The following RASA1 variants were observed in gnomAD, a reference collection of about 807,000 sequenced individuals.
RASA1 encodes the protein ras GTPase-activating protein 1.
In RASA1, 25 loss-of-function variants were observed where a neutral mutation model predicts 132.2. The observed-to-expected ratio is 0.19, with a 90% CI of 0.14 to 0.26. The LOEUF (loss-of-function observed/expected upper bound fraction) is 0.26. Among genes scored for constraint, RASA1 ranks in the 10% least tolerant of loss-of-function variants. The probability of loss-of-function intolerance (pLI) is 1.00; values close to 1 mark genes in which losing one functional copy is unlikely to be tolerated. For synonymous variants in RASA1, 477 were observed against 449.9 expected (o/e 1.06, Z -0.76); for missense variants, 964 against 1,299.2 (o/e 0.74, Z 3.97).
intron 8 of RASA1, 83 bp from the exon 9 acceptor site, chr5:87,353,074 C>T (rs1210078859): frequency 1.6e-5 from 18 of 1,107,924 alleles, no homozygotes; most frequent in South Asian, 2.7e-5. Flanking sequence ...TTAGATAATC[C>T]TTGGCAAGAA....
At position 87,377,060 on chromosome 5, in the gene RASA1, G is replaced by C. The variant is rs747472252; in HGVS notation, c.2344+20G>C. 2 of 1,606,224 alleles carry C rather than the reference G, an allele frequency of 1.2e-6. No individual in the cohort carries two copies. Among genetic ancestry groups the C allele is most frequent in the East Asian group, 4.5e-5 (2 of 44,790 alleles). Reference sequence around the variant, plus strand: ...TGGAAGGTATGGTATGGCCATGTTAGTGTGATACAAGAAACTGGGTTTAGA... The same window carrying C: ...TGGAAGGTATGGTATGGCCATGTTACTGTGATACAAGAAACTGGGTTTAGA... On this transcript the variant is annotated intron_variant, in intron 17 of 24. Transcript: ENST00000274376.
chr5:87,351,566 A>G (rs1759279294), intron 8 of RASA1, among the ~76,000 whole-genome samples: 1 of 151,704 alleles, frequency 6.6e-6, no homozygotes, highest in Admixed American at 6.6e-5. Context: ...CTAGAAACTC[A>G]CGTTTATTTC....
intron 24 of RASA1, 134 bp from the exon 25 acceptor site, chr5:87,390,666 A>C: frequency 1.3e-6 from 1 of 751,246 alleles, no homozygotes; most frequent in South Asian, 1.5e-5. Context: ...ATAGAGACTT[A>C]TGTTTTGAGG....
At chr5:87,327,098 T>TG (rs1237214583) in intron 1 of RASA1, among the ~76,000 whole-genome samples, 13 of 152,338 alleles carry the variant, frequency 8.5e-5, no homozygotes, top group African/African-American at 3.1e-4. Context: ...TAATATTTAC[T>TG]GGGTTCTTGG....
intron 4 of RASA1, among the ~76,000 whole-genome samples, chr5:87,336,006 G>T (rs1022040357): frequency 3.3e-5 from 5 of 152,164 alleles, no homozygotes; most frequent in Admixed American, 3.3e-4. Context: ...ATCAGAAAAG[G>T]CTATTAAAAT....
At chr5:87,336,285 G>A (rs1757966465) in intron 4 of RASA1, among the ~76,000 whole-genome samples, 1 of 151,718 alleles carries the variant, frequency 6.6e-6, no homozygotes, top group African/African-American at 2.4e-5. Context: ...ATTTGAATAT[G>A]GTAAATATCA....
At chr5:87,336,958 A>T (rs933908824) in intron 4 of RASA1, among the ~76,000 whole-genome samples, 3 of 152,090 alleles carry the variant, frequency 2.0e-5, no homozygotes, top group African/African-American at 4.8e-5. Flanking sequence ...CCAAGATACA[A>T]TGAAGCTTGA....
At chr5:87,295,502 T>C (rs1230016413) in intron 1 of RASA1, among the ~76,000 whole-genome samples, 1 of 150,528 alleles carries the variant, frequency 6.6e-6, no homozygotes, top group Non-Finnish European at 1.5e-5. Context: ...TATATATATA[T>C]TTATTTTATT....
chr5:87,362,250 G>A (rs1024201408), intron 9 of RASA1, among the ~76,000 whole-genome samples: 1 of 152,170 alleles, frequency 6.6e-6, no homozygotes, highest in Admixed American at 6.5e-5. Context: ...ATGATTTGCT[G>A]TAAAATATAA....
chr5:87,268,315 T>G lies in RASA1; in HGVS notation c.-137T>G. ...TAGGAGGGGGCGCGGCGGCGGGCTCTCTCCTTTTGTTGTTGTTTCCTCAGC... is the reference window on the plus strand; with the variant it reads ...TAGGAGGGGGCGCGGCGGCGGGCTCGCTCCTTTTGTTGTTGTTTCCTCAGC... On this transcript the variant is annotated 5_prime_UTR_variant, in exon 1 of 25. Coordinates refer to ENST00000274376, the MANE Select transcript of RASA1 (RefSeq NM_002890.3). 9.0e-7 allele frequency: 1 copy of G among 1,106,764 alleles called. No individual in the cohort carries two copies. Among genetic ancestry groups the G allele is most frequent in the Non-Finnish European group, 1.2e-6 (1 of 816,720 alleles). The allele number at this position is 1,106,764 out of a possible 1,614,324, so 68.6% of individuals were successfully genotyped here.
At chr5:87,361,827 T>A (rs998764729) in intron 9 of RASA1, among the ~76,000 whole-genome samples, 9 of 151,884 alleles carry the variant, frequency 5.9e-5, no homozygotes, top group African/African-American at 9.7e-5. Context: ...AATATAAATA[T>A]GTTGCTTAGT....
chr5:87,306,251 A>G (rs534042237), intron 1 of RASA1, among the ~76,000 whole-genome samples: 1 of 152,214 alleles, frequency 6.6e-6, no homozygotes, highest in Non-Finnish European at 1.5e-5. Flanking sequence ...GATAAAGAAA[A>G]TGTGGTACAT....
At chr5:87,321,446 G>T (rs1459230206) in intron 1 of RASA1, among the ~76,000 whole-genome samples, 1 of 152,150 alleles carries the variant, frequency 6.6e-6, no homozygotes, top group African/African-American at 2.4e-5. Context: ...CCTTCCCACT[G>T]GTTGTAAGTC....
At chr5:87,283,711 C>A (rs1754421067) in intron 1 of RASA1, among the ~76,000 whole-genome samples, 1 of 152,014 alleles carries the variant, frequency 6.6e-6, no homozygotes, top group Non-Finnish European at 1.5e-5. Context: ...ACAGAGCCTA[C>A]CAAGTGATAC....
In RASA1 at chr5:87,353,211, T is replaced by C. The variant is rs747987480; in HGVS notation, c.1308T>C (p.Tyr436=). The C allele has an allele frequency of 9.9e-6, 16 of 1,609,412 alleles. 1 individual carries two copies. The Middle Eastern group carries it at 6.6e-4, about 66-fold the overall frequency. Residue 436 remains tyrosine (Y), a synonymous_variant, in exon 9 of 25, where the codon TAT becomes TAC. Coordinates refer to ENST00000274376, the MANE Select transcript of RASA1 (RefSeq NM_002890.3). The stretch of plus-strand genomic sequence containing the variant: ...AAGAACAGATTGTTGAAGGATATTA[T>C]CTTAAGGAACCTGTACCAATGCAGG... ...YRKEQIVEGY[Y]LKEPVPMQDQ...
chr5:87,303,839 CTT>C (rs755878903), intron 1 of RASA1, among the ~76,000 whole-genome samples: 12 of 130,294 alleles, frequency 9.2e-5, no homozygotes, highest in Admixed American at 7.8e-5. Context: ...TACTTCTTGT[CTT>C]TTTTTTTTTT....
At chr5:87,295,995 T>TTAG (rs2112275462) in intron 1 of RASA1, among the ~76,000 whole-genome samples, 1 of 152,230 alleles carries the variant, frequency 6.6e-6, no homozygotes, top group South Asian at 2.1e-4. Flanking sequence ...TTTTGTGTTT[T>TTAG]TAGTAGAGAT....
chr5:87,278,478 A>G (rs1229254651), intron 1 of RASA1, among the ~76,000 whole-genome samples: 1 of 151,978 alleles, frequency 6.6e-6, no homozygotes, highest in African/African-American at 2.4e-5. Flanking sequence ...CCTGGGAGGC[A>G]GAGTTTGCAG....
At position 87,338,544 on chromosome 5, in the gene RASA1, T is replaced by TC. The variant is rs1420569066; in HGVS notation, c.1017+453_1017+454insC. Among the ~76,000 whole-genome samples, 6 of 137,912 alleles carry TC rather than the reference T, an allele frequency of 4.4e-5. No individual in the cohort carries two copies. In the East Asian group the frequency reaches 1.4e-3, roughly 31 times the overall value. 90.5% of individuals were successfully genotyped at this position (137,912 alleles called of 152,430 possible). On this transcript the variant is annotated intron_variant, in intron 5 of 24. Coordinates refer to ENST00000274376, the MANE Select transcript of RASA1 (RefSeq NM_002890.3). The stretch of plus-strand genomic sequence containing the variant: ...ATATATATATATATAAAATTTTTTT[T>TC]TTTTTTAAGTAGAAATGGGGTTTTA...
Sources: gnomAD v4.1 joint callset for allele counts (sites outside exome capture counted in the v4.1 genomes callset) on GRCh38, gnomAD v4.1.1 for gene constraint, MANE v1.5 for transcripts, NCBI Gene and HGNC (gene_info 2026-07-23, HGNC 2026-07-21) for gene names.